Variants in YWHAB observed in about 807,000 individuals in gnomAD.
YWHAB encodes tyrosine 3-monooxygenase/tryptophan 5-monooxygenase activation protein beta.
In YWHAB, 2 loss-of-function variants were observed where a neutral mutation model predicts 28.5. The ratio of observed to expected loss-of-function variants is 0.07; its 90% CI spans 0.03 to 0.22. The LOEUF (loss-of-function observed/expected upper bound fraction) is 0.22, where lower values mean the gene tolerates loss of function less well. YWHAB is among the 10% of genes least tolerant of loss of function. YWHAB has a pLI of 1.00. For missense variants in YWHAB, 148 were observed against 297.1 expected (o/e 0.50, Z 3.69); for synonymous variants, 103 against 104.7 (o/e 0.98, Z 0.10).
intron 2 of YWHAB, chr20:44,903,194 G>A: frequency 2.9e-6 from 2 of 684,826 alleles, no homozygotes; most frequent in Non-Finnish European, 3.6e-6. Context: ...TACGTGCCAG[G>A]CAACGTGTTA....
chr20:44,890,437 CACT>C (rs1470226913), intron 1 of YWHAB, among the ~76,000 whole-genome samples: 3 of 150,910 alleles, frequency 2.0e-5, no homozygotes, highest in Non-Finnish European at 3.0e-5. Flanking sequence ...ATCAAGCAGT[CACT>C]CAGTGTGCTA....
intron 3 of YWHAB, 98 bp from the exon 4 acceptor site, chr20:44,904,870 T>A (rs1001954843): frequency 6.4e-6 from 8 of 1,250,178 alleles, no homozygotes; most frequent in Admixed American, 2.5e-5. Flanking sequence ...TCATTGCTCC[T>A]GCCCAGTTTG....
At chr20:44,904,865 GC>G (rs906245170) in intron 3 of YWHAB, 102 bp from the exon 4 acceptor site, 50 of 1,181,292 alleles carry the variant, frequency 4.2e-5, no homozygotes, top group Non-Finnish European at 3.5e-6. Context: ...ATAGGTCATT[GC>G]TCCTGCCCAG....
At position 44,885,746 on chromosome 20, in the gene YWHAB, C is replaced by A. The variant is rs1045730054; in HGVS notation, c.-144C>A. On this transcript the variant is annotated 5_prime_UTR_variant, in exon 1 of 6. Coordinates refer to ENST00000353703, the MANE Select transcript of YWHAB (RefSeq NM_139323.4). ...CCACCGCCGCCGCCGATTCCGGAGC[C>A]GGGGTAGTCGCCGCCGCCGCCGCCG... 14 of 169,092 alleles carry A rather than the reference C, an allele frequency of 8.3e-5. No homozygotes were observed. Among genetic ancestry groups the A allele is most frequent in the Middle Eastern group, 2.8e-3 (1 of 362 alleles). 10.5% of individuals were successfully genotyped at this position (169,092 alleles called of 1,614,324 possible). A position where few individuals can be genotyped will look rare whatever the true frequency, so the allele number is the denominator to read the frequency against.
At position 44,906,616 on chromosome 20, in the gene YWHAB, C is replaced by T. The variant is rs1049911780; in HGVS notation, c.*178C>T. On this transcript the variant is annotated 3_prime_UTR_variant, in exon 6 of 6. Transcript: ENST00000353703. ...AAACAGCTGGTATTTGTATCTAAAA[C>T]TCAGATTGGTCACATAAATGCCACG... The T allele has an allele frequency of 2.2e-6, 1 of 456,606 alleles. No individual in the cohort carries two copies. The highest frequency in any genetic ancestry group is 5.0e-5 in the South Asian group (1 of 20,186). The allele number at this position is 456,606 out of a possible 1,614,324, so 28.3% of individuals were successfully genotyped here. A position where few individuals can be genotyped will look rare whatever the true frequency, so the allele number is the denominator to read the frequency against.
intron 1 of YWHAB, among the ~76,000 whole-genome samples, chr20:44,892,000 T>G (rs1337768734): frequency 6.6e-6 from 1 of 152,238 alleles, no homozygotes; most frequent in East Asian, 1.9e-4. Flanking sequence ...TAACTTTTTC[T>G]GGGTAACACC....
chr20:44,905,882 C>T lies in YWHAB; in HGVS notation c.589-119C>T, dbSNP rs138834380. The T allele has an allele frequency of 8.0e-4, 564 of 709,424 alleles. 3 individuals are homozygous for T. The African/African-American group carries it at 9.2e-3, about 12-fold the overall frequency. The allele number at this position is 709,424 out of a possible 1,614,324, so 43.9% of individuals were successfully genotyped here. A position where few individuals can be genotyped will look rare whatever the true frequency, so the allele number is the denominator to read the frequency against. On this transcript the variant is annotated intron_variant, in intron 4 of 5. Coordinates refer to ENST00000353703, the MANE Select transcript of YWHAB (RefSeq NM_139323.4). ...AGCTAACAGACAGGGTAATAATAGC[C>T]TAGGTTCCCCCAAAGTACTGTACAA...
intron 1 of YWHAB, among the ~76,000 whole-genome samples, chr20:44,896,217 C>A (rs913669179): frequency 7.2e-5 from 11 of 152,140 alleles, no homozygotes; most frequent in African/African-American, 1.4e-4. Context: ...GAAATTGATT[C>A]TATCTGTTTT....
Position 44,906,514 on chromosome 20 carries a change from AAAAAAAAAAAAAAG to A in YWHAB, c.*78_*91del. 1.7e-6 allele frequency: 2 copies of A among 1,182,974 alleles called. No homozygotes were observed. Among genetic ancestry groups the A allele is most frequent in the Non-Finnish European group, 1.2e-6 (1 of 859,416 alleles). 73.3% of individuals were successfully genotyped at this position (1,182,974 alleles called of 1,614,324 possible). The stretch of plus-strand genomic sequence containing the variant: ...ATATCCCTTGTGCGATAAAAAAAAA[AAAAAAAAAAAAAAG>A]AGAATCGTACGTCGACTTTCGATTT... On this transcript the variant is annotated 3_prime_UTR_variant, in exon 6 of 6. Transcript: ENST00000353703.
chr20:44,898,013 G>T (rs1229806330), intron 1 of YWHAB, among the ~76,000 whole-genome samples: 3 of 152,120 alleles, frequency 2.0e-5, no homozygotes, highest in African/African-American at 7.2e-5. Flanking sequence ...AGGGAAAAGA[G>T]CCTGGGGAGG....
At chr20:44,903,956 G>A (rs775911541) in intron 2 of YWHAB, 37 bp from the exon 3 acceptor site, 3 of 1,582,186 alleles carry the variant, frequency 1.9e-6, no homozygotes, top group South Asian at 2.4e-5. Context: ...AACATCTCGT[G>A]AATAATTCTA....
intron 2 of YWHAB, 139 bp from the exon 3 acceptor site, chr20:44,903,854 T>C (rs2066641090): frequency 1.0e-6 from 1 of 963,478 alleles, no homozygotes; most frequent in Non-Finnish European, 1.5e-6. Context: ...AAACAACATT[T>C]AGTAGCTTGG....
At chr20:44,892,712 T>A (rs1378958548) in intron 1 of YWHAB, among the ~76,000 whole-genome samples, 1 of 152,242 alleles carries the variant, frequency 6.6e-6, no homozygotes, top group Non-Finnish European at 1.5e-5. Flanking sequence ...ATGTTCATTA[T>A]CTTATTTGAT....
intron 1 of YWHAB, among the ~76,000 whole-genome samples, chr20:44,894,532 A>ACAT: frequency 6.6e-6 from 1 of 152,166 alleles, no homozygotes; most frequent in East Asian, 1.9e-4. Context: ...ATAACATACT[A>ACAT]ACTATCTGTA....
intron 4 of YWHAB, chr20:44,905,776 G>T (rs1047546471): frequency 4.3e-6 from 2 of 462,916 alleles, no homozygotes; most frequent in Non-Finnish European, 7.8e-6. Context: ...TAGTTATTAG[G>T]TACAGCAAAG....
chr20:44,896,874 C>T (rs1178504352), intron 1 of YWHAB, among the ~76,000 whole-genome samples: 1 of 152,164 alleles, frequency 6.6e-6, no homozygotes, highest in African/African-American at 2.4e-5. Flanking sequence ...AAGCAGTAGC[C>T]ATCAGGACCT....
chr20:44,890,093 T>C (rs1253061253), intron 1 of YWHAB, among the ~76,000 whole-genome samples: 4 of 152,206 alleles, frequency 2.6e-5, no homozygotes, highest in African/African-American at 9.7e-5. Flanking sequence ...GATGGATATT[T>C]TTGTTATTTA....
At chr20:44,896,516 G>A (rs1298883879) in intron 1 of YWHAB, among the ~76,000 whole-genome samples, 1 of 152,228 alleles carries the variant, frequency 6.6e-6, no homozygotes, top group Non-Finnish European at 1.5e-5. Flanking sequence ...TGATGTGGGG[G>A]TCTGGAAGAT....
chr20:44,902,522 T>C (rs1413863410), intron 2 of YWHAB: 1 of 152,140 alleles, frequency 6.6e-6, no homozygotes, highest in African/African-American at 2.4e-5. Context: ...CAGGTAAAAA[T>C]GAACTCAGCG....
Sources: allele counts gnomAD v4.1 joint callset (sites outside exome capture counted in the v4.1 genomes callset), GRCh38; gene constraint gnomAD v4.1.1; transcripts MANE v1.5; gene names NCBI Gene and HGNC (gene_info 2026-07-23, HGNC 2026-07-21).